UBA1: variants seen among roughly 807,000 people sequenced by gnomAD.
UBA1 encodes the protein ubiquitin like modifier activating enzyme 1, also known as ubiquitin-like modifier-activating enzyme 1.
Under a neutral mutation model 84.7 loss-of-function variants are expected in UBA1, and 4 were observed. The ratio of observed to expected loss-of-function variants is 0.05; its 90% CI spans 0.02 to 0.11. UBA1 has a LOEUF of 0.11. UBA1 is among the 10% of genes least tolerant of loss of function. The pLI, the probability that UBA1 is intolerant of heterozygous loss-of-function variation, is 1.00. For synonymous variants in UBA1, 364 were observed against 362.6 expected (o/e 1.00, Z -0.04); for missense variants, 513 against 902.8 (o/e 0.57, Z 5.53).
At chrX:47,201,644 C>T (rs1936422288) in intron 8 of UBA1, 34 bp downstream of exon 8, 3 of 1,203,899 alleles carry the variant, frequency 2.5e-6, no homozygotes, top group Non-Finnish European at 3.4e-6. Flanking sequence ...CAGAGGGGAA[C>T]TAGAAGATAT....
In UBA1 at chrX:47,206,531, A is replaced by G. The variant is rs573668600; in HGVS notation, c.1938+87A>G. ...CCCCAGGCCCTTGCCTTGCCTTCAG[A>G]TGTTGCATGCCTAAGTGTAAGATGT... On this transcript the variant is annotated intron_variant, in intron 16 of 25. Coordinates refer to ENST00000335972, the MANE Select transcript of UBA1 (RefSeq NM_003334.4). 8.4e-6 allele frequency: 8 copies of G among 956,092 alleles called. 1 individual carries two copies. In the South Asian group the frequency reaches 1.6e-4, roughly 19 times the overall value. The allele number at this position is 956,092 out of a possible 1,213,427, so 78.8% of individuals were successfully genotyped here. A position where few individuals can be genotyped will look rare whatever the true frequency, so the allele number is the denominator to read the frequency against.
rs1569218697 is a variant in UBA1, at chrX:47,214,307, C to A, written c.2839-20C>A. ...CCTCTGGGATGGTCTCCATCTTACA[C>A]TCCCCTCTTTGTCTTGCAGTACTAT... On this transcript the variant is annotated intron_variant, in intron 23 of 25. Coordinates refer to ENST00000335972, the MANE Select transcript of UBA1 (RefSeq NM_003334.4). 5.0e-6 allele frequency: 6 copies of A among 1,199,753 alleles called. No individual in the cohort carries two copies. The Admixed American group carries it at 1.3e-4, about 26-fold the overall frequency.
chrX:47,198,330 A>G (rs1556786207), intron 1 of UBA1: 1 of 956,050 alleles, frequency 1.0e-6, no homozygotes, highest in South Asian at 2.0e-5. Context: ...TGTGTTATTT[A>G]TCATCTCGAT....
At chrX:47,205,728 C>T in intron 14 of UBA1, 1 of 455,055 alleles carries the variant, frequency 2.2e-6, no homozygotes, top group East Asian at 3.8e-5. Flanking sequence ...GTGGCACACA[C>T]CTGTGGTCCC....
chrX:47,198,427 GTGCGTGGCAGGCTCAAGATT>G (rs1189772743), intron 1 of UBA1: 1 of 536,409 alleles, frequency 1.9e-6, no homozygotes, highest in African/African-American at 2.4e-5. Flanking sequence ...ATTACTGTTA[GTGCGTGGCAGGCTCAAGATT>G]TGAAACCAGG....
chrX:47,201,040 C>T (rs1290680301), intron 6 of UBA1, 40 bp downstream of exon 6: 3 of 1,083,347 alleles, frequency 2.8e-6, no homozygotes, highest in Non-Finnish European at 3.8e-6. Flanking sequence ...CCCTTTTCCC[C>T]CAACTCCTAC....
At chrX:47,199,757 T>C (rs1602626859) in intron 5 of UBA1, 143 bp downstream of exon 5, 1 of 720,130 alleles carries the variant, frequency 1.4e-6, no homozygotes, top group East Asian at 3.2e-5. Flanking sequence ...CAGGCAGCAG[T>C]TAGCCCCTGG....
At chrX:47,206,931 C>T (rs4529579) in intron 16 of UBA1, among the ~76,000 whole-genome samples, 51,872 of 108,192 alleles carry the variant, frequency 0.48, 11,140 homozygotes, top group Non-Finnish European at 0.66. Context: ...AGAGGGGATG[C>T]CCTGTGCACT....
chrX:47,210,544 G>A (rs1242319751), intron 18 of UBA1, among the ~76,000 whole-genome samples: 1 of 111,758 alleles, frequency 8.9e-6, no homozygotes, highest in African/African-American at 3.3e-5. Flanking sequence ...AGGATTAACT[G>A]GTATTTATTA....
chrX:47,197,346 C>T (rs1276313526), intron 1 of UBA1: 5 of 753,952 alleles, frequency 6.6e-6, no homozygotes, highest in Non-Finnish European at 7.8e-6. Context: ...TAAGATTAGA[C>T]AAAGCCCTTT....
At chrX:47,195,332 C>T (rs1433086062) in intron 1 of UBA1, among the ~76,000 whole-genome samples, 2 of 111,517 alleles carry the variant, frequency 1.8e-5, no homozygotes, top group Non-Finnish European at 3.8e-5. Flanking sequence ...TCACTGCAAC[C>T]TCCACCTCCT....
intron 16 of UBA1, among the ~76,000 whole-genome samples, chrX:47,206,897 G>A (rs1475833485): frequency 2.7e-5 from 3 of 110,133 alleles, no homozygotes; most frequent in Non-Finnish European, 5.7e-5. Context: ...TGACATTTGG[G>A]GCTGGTTATT....
chrX:47,209,273 C>A (rs2147284898), intron 16 of UBA1: 2 of 399,775 alleles, frequency 5.0e-6, no homozygotes, highest in East Asian at 8.1e-5. Flanking sequence ...CCTGCCTCAG[C>A]CTCCTGAGTA....
chrX:47,206,143 G>T, intron 15 of UBA1, 30 bp downstream of exon 15: 1 of 1,187,878 alleles, frequency 8.4e-7, no homozygotes. Flanking sequence ...AGGTGGTCAC[G>T]GGCAAAGTTG....
intron 23 of UBA1, 56 bp from the exon 24 acceptor site, chrX:47,214,271 G>C: frequency 1.8e-6 from 2 of 1,083,996 alleles, no homozygotes; most frequent in South Asian, 1.8e-5. Context: ...GGAGACAGAT[G>C]GGGGCTGGAC....
rs888369922 is a variant in UBA1, at chrX:47,203,037, A to G, written c.1328A>G (p.Lys443Arg). The G allele has an allele frequency of 1.2e-5, 15 of 1,208,296 alleles. No individual in the cohort carries two copies. Among genetic ancestry groups the G allele is most frequent in the Middle Eastern group, 2.3e-4 (1 of 4,368 alleles). The change falls in exon 12 of 26, where the codon AAG becomes AGG. Residue 443 changes from lysine (K) to arginine (R), a missense_variant. Transcript: ENST00000335972. The stretch of plus-strand genomic sequence containing the variant: ...GACAAAGAGGTCCTCACAGAGGACA[A>G]GTGCCTCCAGGTATGTGGGTGGGAC... The part of the protein sequence containing the change: ...PEDKEVLTED[K>R]CLQRQNRYDG...
chrX:47,200,988 G>A lies in UBA1; in HGVS notation c.575G>A (p.Arg192Gln), dbSNP rs782068633. ...RGIKLVVADT[R>Q]GLFGQLFCDF... ...ATCAAGCTGGTGGTGGCAGACACGCGGGGCCTGTTTGGGTGAGTGGCAGCC... is the reference window on the plus strand; with the variant it reads ...ATCAAGCTGGTGGTGGCAGACACGCAGGGCCTGTTTGGGTGAGTGGCAGCC... The change falls in exon 6 of 26, where the codon CGG (arginine) becomes CAG (glutamine). Residue 192 changes from arginine to glutamine, a missense_variant. Coordinates refer to ENST00000335972, the MANE Select transcript of UBA1 (RefSeq NM_003334.4). 2.2e-5 allele frequency: 26 copies of A among 1,196,864 alleles called. No homozygotes were observed. The highest frequency in any genetic ancestry group is 2.9e-5 in the Non-Finnish European group (26 of 887,969).
At chrX:47,214,743 T>C (rs1556794688) in intron 25 of UBA1, 51 bp from the exon 26 acceptor site, 4 of 1,205,779 alleles carry the variant, frequency 3.3e-6, no homozygotes, top group East Asian at 3.0e-5. Flanking sequence ...CTGCCCATCC[T>C]CTCTTGCTTT....
At chrX:47,208,355 G>A (rs184125905) in intron 16 of UBA1, among the ~76,000 whole-genome samples, 10 of 111,789 alleles carry the variant, frequency 8.9e-5, no homozygotes, top group Non-Finnish European at 1.3e-4. Flanking sequence ...GCACGCACGC[G>A]TGCCCGTTAC....
Sources: gnomAD v4.1 joint callset for allele counts (sites outside exome capture counted in the v4.1 genomes callset) on GRCh38, gnomAD v4.1.1 for gene constraint, MANE v1.5 for transcripts, NCBI Gene and HGNC (gene_info 2026-07-23, HGNC 2026-07-21) for gene names.